CPNE7: variants seen among roughly 807,000 people sequenced by gnomAD.
The protein encoded by CPNE7 is copine-7.
CPNE7 carries 78 observed loss-of-function variants against 66.5 expected under a neutral mutation model. That is an observed-to-expected ratio of 1.17 (90% CI 0.98 to 1.42). The LOEUF (loss-of-function observed/expected upper bound fraction) is 1.42, where lower values mean the gene tolerates loss of function less well. Among genes scored for constraint, CPNE7 ranks in the 40% most tolerant of loss-of-function variants. The pLI is 0.00. For synonymous variants in CPNE7, 468 were observed against 336.7 expected, an observed-to-expected ratio of 1.39 and a Z score of -4.27; for missense variants, 1,012 against 776.6, an observed-to-expected ratio of 1.30 and a Z score of -3.60.
At position 89,592,950 on chromosome 16, in the gene CPNE7, G is replaced by C. The variant is rs181517687; in HGVS notation, c.1302+1690G>C. 5.8e-3 allele frequency among the ~76,000 whole-genome samples: 836 copies of C among 144,726 alleles called. 14 individuals are homozygous for C. The highest frequency in any genetic ancestry group is 0.02 in the African/African-American group (801 of 39,168). 94.9% of individuals were successfully genotyped at this position (144,726 alleles called of 152,430 possible). On this transcript the variant is annotated intron_variant, in intron 13 of 14. Coordinates refer to ENST00000319518, the MANE Select transcript of CPNE7 (RefSeq NM_153636.3). ...GACTCAGCCTCCTGAGTAGCTGGGA[G>C]TACAGGCGCCCGCCACCATACCCGG...
At chr16:89,579,404 C>T (rs941801785) in intron 2 of CPNE7, among the ~76,000 whole-genome samples, 11 of 152,040 alleles carry the variant, frequency 7.2e-5, no homozygotes, top group South Asian at 2.1e-4. Context: ...TCCCGTCACA[C>T]GGAACATCTC....
intron 14 of CPNE7, chr16:89,596,029 C>T (rs1182619014): frequency 2.1e-6 from 1 of 467,112 alleles, no homozygotes; most frequent in African/African-American, 2.0e-5. Context: ...ACACATGTCA[C>T]ACATGAGGCC....
At chr16:89,577,932 G>A (rs2058886392) in intron 2 of CPNE7, among the ~76,000 whole-genome samples, 1 of 152,208 alleles carries the variant, frequency 6.6e-6, no homozygotes, top group Admixed American at 6.5e-5. Context: ...AAAGCCTGAA[G>A]GTATAAAAGG....
intron 9 of CPNE7, among the ~76,000 whole-genome samples, 176 bp from the exon 10 acceptor site, chr16:89,588,499 C>T (rs996641750): frequency 6.6e-6 from 1 of 152,106 alleles, no homozygotes; most frequent in Non-Finnish European, 1.5e-5. Context: ...TTGAGGAGAC[C>T]TCTCCTGGCC....
At chr16:89,596,042 A>G in intron 14 of CPNE7, 1 of 457,702 alleles carries the variant, frequency 2.2e-6, no homozygotes, top group Non-Finnish European at 4.3e-6. Flanking sequence ...ATGAGGCCCT[A>G]CAGCAAGACG....
At chr16:89,593,937 C>T (rs2059213283) in intron 13 of CPNE7, among the ~76,000 whole-genome samples, 1 of 152,196 alleles carries the variant, frequency 6.6e-6, no homozygotes, top group South Asian at 2.1e-4. Flanking sequence ...GTATCAGCGT[C>T]TAATAAAGAT....
chr16:89,593,680 C>T (rs1429945795), intron 13 of CPNE7, among the ~76,000 whole-genome samples: 2 of 152,220 alleles, frequency 1.3e-5, no homozygotes, highest in Non-Finnish European at 2.9e-5. Context: ...TGTATATTTC[C>T]TAAGATCAAA....
At position 89,596,966 on chromosome 16, in the gene CPNE7, C is replaced by A. The variant is rs1487262738; in HGVS notation, c.*345C>A. On this transcript the variant is annotated 3_prime_UTR_variant, in exon 15 of 15. Coordinates refer to ENST00000319518, the MANE Select transcript of CPNE7 (RefSeq NM_153636.3). ...CTGGGGGCTCTGCTTTGCGTCTAACCTTTGTGGGGGAGGGCCAGCAAGGCA... is the reference window on the plus strand; with the variant it reads ...CTGGGGGCTCTGCTTTGCGTCTAACATTTGTGGGGGAGGGCCAGCAAGGCA... 4.9e-6 allele frequency: 1 copy of A among 202,330 alleles called. No individual in the cohort carries two copies. Among genetic ancestry groups the A allele is most frequent in the Non-Finnish European group, 9.8e-6 (1 of 101,984 alleles). 12.5% of individuals were successfully genotyped at this position (202,330 alleles called of 1,614,324 possible).
rs369613331 is a variant in CPNE7, at chr16:89,579,661, C to A, written c.357+1940C>A. On this transcript the variant is annotated intron_variant, in intron 2 of 14. Transcript: ENST00000319518. ...ACATCTCACCCGTCACATGGAACAT[C>A]CCTTCACCCATCACATGGAACATCC... Among the ~76,000 whole-genome samples the A allele has an allele frequency of 4.5e-4, 67 of 150,172 alleles. 1 individual carries two copies. Among genetic ancestry groups the A allele is most frequent in the African/African-American group, 1.6e-3 (63 of 40,356 alleles).
At chr16:89,576,714 CCCAGTCCGCGCGGGG>C (rs1164683768) in intron 1 of CPNE7, among the ~76,000 whole-genome samples, 7 of 152,148 alleles carry the variant, frequency 4.6e-5, no homozygotes, top group African/African-American at 1.7e-4. Flanking sequence ...GAACTCGAAC[CCCAGTCCGCGCGGGG>C]CGCCAGCGCT....
At chr16:89,585,279 C>A (rs1455146054) in intron 5 of CPNE7, among the ~76,000 whole-genome samples, 185 bp from the exon 6 acceptor site, 2 of 152,170 alleles carry the variant, frequency 1.3e-5, no homozygotes, top group African/African-American at 4.8e-5. Context: ...TCTCCCGGGT[C>A]CTCACATGGC....
intron 7 of CPNE7, among the ~76,000 whole-genome samples, chr16:89,586,306 G>A (rs1324972134): frequency 6.6e-6 from 1 of 152,020 alleles, no homozygotes; most frequent in South Asian, 2.1e-4. Context: ...ATCTGGGTCT[G>A]GGCACAGGGG....
chr16:89,594,547 C>G (rs910951155), intron 13 of CPNE7, among the ~76,000 whole-genome samples: 1 of 148,760 alleles, frequency 6.7e-6, no homozygotes, highest in East Asian at 2.1e-4. Context: ...CCCTGCTTCT[C>G]TTTATGTTTC....
chr16:89,587,324 T>TCCCCC lies in CPNE7; in HGVS notation c.927+224_927+225insCCCCC, dbSNP rs2059068878. On this transcript the variant is annotated intron_variant, in intron 9 of 14. Coordinates refer to ENST00000319518, the MANE Select transcript of CPNE7 (RefSeq NM_153636.3). Reference sequence around the variant, plus strand: ...GCCCCGCCCATCCCCGCCCCCTCAGTCCGTGGCCCCGCCCCCGCCCCCGCC... The same window carrying TCCCCC: ...GCCCCGCCCATCCCCGCCCCCTCAGTCCCCCCCGTGGCCCCGCCCCCGCCCCCGCC... 8.2e-3 allele frequency among the ~76,000 whole-genome samples: 12 copies of TCCCCC among 1,456 alleles called. 5 individuals are homozygous for TCCCCC. Among genetic ancestry groups the TCCCCC allele is most frequent in the African/African-American group, 0.031 (10 of 318 alleles). The allele number at this position is 1,456 out of a possible 152,430, so 1.0% of individuals were successfully genotyped here. A position where few individuals can be genotyped will look rare whatever the true frequency, so the allele number is the denominator to read the frequency against.
chr16:89,594,869 C>G (rs989496077), intron 13 of CPNE7, among the ~76,000 whole-genome samples: 4 of 151,914 alleles, frequency 2.6e-5, no homozygotes, highest in African/African-American at 9.7e-5. Context: ...CCAGGCTGGT[C>G]TCGAACTCCT....
intron 2 of CPNE7, among the ~76,000 whole-genome samples, chr16:89,581,489 A>G (rs2058958830): frequency 6.6e-6 from 1 of 152,108 alleles, no homozygotes; most frequent in Non-Finnish European, 1.5e-5. Context: ...GAATTCTTTT[A>G]CCCAACATAA....
At chr16:89,577,471 G>T in intron 1 of CPNE7, 68 bp from the exon 2 acceptor site, 1 of 1,482,256 alleles carries the variant, frequency 6.7e-7, no homozygotes, top group Non-Finnish European at 9.1e-7. Flanking sequence ...GCGGCAGAGG[G>T]GAGATGGAGG....
At chr16:89,583,594 G>C (rs1296260248) in intron 2 of CPNE7, 103 bp from the exon 3 acceptor site, 3 of 1,605,540 alleles carry the variant, frequency 1.9e-6, no homozygotes, top group Non-Finnish European at 2.6e-6. Flanking sequence ...GGGGGATGGG[G>C]AGACAGGACA....
At chr16:89,591,756 G>A (rs1306807520) in intron 13 of CPNE7, among the ~76,000 whole-genome samples, 1 of 151,870 alleles carries the variant, frequency 6.6e-6, no homozygotes, top group Non-Finnish European at 1.5e-5. Context: ...CTGGAGTGCA[G>A]TGATGTGATC....
Sources: gnomAD v4.1 joint callset for allele counts (sites outside exome capture counted in the v4.1 genomes callset) on GRCh38, gnomAD v4.1.1 for gene constraint, MANE v1.5 for transcripts, NCBI Gene and HGNC (gene_info 2026-07-23, HGNC 2026-07-21) for gene names.